The following CAPRIN2 variants were observed in gnomAD, a reference collection of about 807,000 sequenced individuals.
The protein encoded by CAPRIN2 is caprin family member 2, also known as caprin-2.
CAPRIN2 carries 66 observed loss-of-function variants against 130.4 expected under a neutral mutation model. That is an observed-to-expected ratio of 0.51 (90% confidence interval 0.42 to 0.62). CAPRIN2 has a LOEUF of 0.62. CAPRIN2 is among the 20% of genes least tolerant of loss of function. The probability of loss-of-function intolerance (pLI) is 0.00; values close to 1 mark genes in which losing one functional copy is unlikely to be tolerated. For synonymous variants in CAPRIN2, 471 were observed against 444.1 expected, an observed-to-expected ratio of 1.06 and a Z score of -0.76; for missense variants, 1,185 against 1,246.6, an observed-to-expected ratio of 0.95 and a Z score of 0.74.
At chr12:30,728,812 T>G in exon 8 of CAPRIN2, 1 of 1,614,188 alleles carries the variant, frequency 6.2e-7, no homozygotes. Context: ...TCTGGCTGTT[T>G]TGAATCCTGT....
At chr12:30,725,318 T>C (rs571108861) in intron 9 of CAPRIN2, among the ~76,000 whole-genome samples, 9 of 152,358 alleles carry the variant, frequency 5.9e-5, no homozygotes, top group Non-Finnish European at 1.0e-4. Flanking sequence ...TCTGATGGTA[T>C]AGGCAATTCC....
intron 13 of CAPRIN2, 78 bp downstream of exon 15, chr12:30,716,430 T>C (rs2057586052): frequency 6.8e-6 from 9 of 1,324,186 alleles, no homozygotes; most frequent in Non-Finnish European, 9.7e-6. Flanking sequence ...AAAGTGTCAC[T>C]ACAGACTTCC....
At chr12:30,753,452 C>T in exon 1 of CAPRIN2, 1 of 1,614,132 alleles carries the variant, frequency 6.2e-7, no homozygotes, top group Non-Finnish European at 8.5e-7. Context: ...GAGTAGACTG[C>T]AGGGGGCTCA....
chr12:30,737,878 T>G (rs1285306145), intron 3 of CAPRIN2, among the ~76,000 whole-genome samples: 6 of 152,238 alleles, frequency 3.9e-5, no homozygotes, highest in Admixed American at 3.9e-4. Context: ...ATCACACACG[T>G]GAGCCACCGC....
intron 2 of CAPRIN2, among the ~76,000 whole-genome samples, chr12:30,745,707 T>A (rs557253047): frequency 1.4e-3 from 205 of 150,714 alleles, no homozygotes; most frequent in Non-Finnish European, 1.9e-3. Flanking sequence ...AAAAAGCAAA[T>A]AACCAAAAAC....
intron 2 of CAPRIN2, among the ~76,000 whole-genome samples, chr12:30,742,596 TATA>T (rs2068007013): frequency 6.6e-6 from 1 of 150,678 alleles, no homozygotes; most frequent in Non-Finnish European, 1.5e-5. Flanking sequence ...AAATACTAAA[TATA>T]ATGAGTGAAA....
intron 3 of CAPRIN2, among the ~76,000 whole-genome samples, chr12:30,735,466 A>G (rs748319034): frequency 2.6e-5 from 4 of 152,226 alleles, no homozygotes; most frequent in Non-Finnish European, 4.4e-5. Context: ...TAATATCACC[A>G]TGATGAGTAG....
At chr12:30,742,060 A>G (rs2139153100) in intron 2 of CAPRIN2, among the ~76,000 whole-genome samples, 1 of 152,280 alleles carries the variant, frequency 6.6e-6, no homozygotes, top group South Asian at 2.1e-4. Flanking sequence ...TTTTATGTGA[A>G]ATGTCCAGAA....
intron 2 of CAPRIN2, among the ~76,000 whole-genome samples, chr12:30,741,599 AAGG>A (rs1357688996): frequency 6.6e-6 from 1 of 152,168 alleles, no homozygotes; most frequent in Non-Finnish European, 1.5e-5. Flanking sequence ...AGGAAATTTA[AAGG>A]AGCAAAACTT....
At chr12:30,736,163 C>A (rs1407615248) in intron 3 of CAPRIN2, among the ~76,000 whole-genome samples, 1 of 151,008 alleles carries the variant, frequency 6.6e-6, no homozygotes, top group Non-Finnish European at 1.5e-5. Flanking sequence ...AAAGCAGTTT[C>A]CCCTCCAACA....
chr12:30,731,333 C>T lies in CAPRIN2; in HGVS notation c.1060+10G>A. 1 of 1,608,198 alleles carries T rather than the reference C, an allele frequency of 6.2e-7. No homozygotes were observed. Among genetic ancestry groups the T allele is most frequent in the Non-Finnish European group, 8.5e-7 (1 of 1,176,786 alleles). On this transcript the variant is annotated intron_variant, in intron 6 of 16. Transcript: ENST00000298892. Reference sequence around the variant, plus strand: ...AACCACTATAAGGATTTTCAGAGGTCACAACAAACCTGACTCTTTGACAGA... The same window carrying T: ...AACCACTATAAGGATTTTCAGAGGTTACAACAAACCTGACTCTTTGACAGA...
intron 5 of CAPRIN2, 45 bp downstream of exon 6, chr12:30,733,584 A>T: frequency 7.8e-7 from 1 of 1,286,890 alleles, no homozygotes; most frequent in Non-Finnish European, 1.1e-6. Flanking sequence ...TTCTAGACAT[A>T]AAGTTTAGTA....
exon 17 of CAPRIN2, chr12:30,709,713 C>T (rs1256654078): frequency 5.3e-6 from 3 of 571,274 alleles, no homozygotes; most frequent in African/African-American, 1.9e-5. Flanking sequence ...TTATAAAGTG[C>T]CAGATTAGTG....
At chr12:30,736,719 G>A (rs1027506109) in intron 3 of CAPRIN2, among the ~76,000 whole-genome samples, 1 of 152,170 alleles carries the variant, frequency 6.6e-6, no homozygotes, top group African/African-American at 2.4e-5. Flanking sequence ...GCTCAGTAAG[G>A]CTTTTTGCAA....
chr12:30,746,175 G>A (rs1417761864), intron 2 of CAPRIN2, among the ~76,000 whole-genome samples: 1 of 152,196 alleles, frequency 6.6e-6, no homozygotes, highest in Non-Finnish European at 1.5e-5. Context: ...GGAGCACAGA[G>A]AATTTTTAGG....
intron 3 of CAPRIN2, among the ~76,000 whole-genome samples, chr12:30,736,454 A>T (rs1253457661): frequency 6.6e-6 from 1 of 151,934 alleles, no homozygotes; most frequent in East Asian, 1.9e-4. Flanking sequence ...ACTTTGATAT[A>T]GCATCGATAT....
chr12:30,720,780 AC>A, intron 12 of CAPRIN2, 30 bp downstream of exon 13: 1 of 1,274,264 alleles, frequency 7.8e-7, no homozygotes, highest in Non-Finnish European at 1.1e-6. Context: ...TCTTTAAGAT[AC>A]AAAAGAAATT....
rs758500077 is a variant in CAPRIN2, at chr12:30,724,415, T to C, written c.1942A>G (p.Ile648Val). The C allele has an allele frequency of 2.5e-6, 4 of 1,613,178 alleles. No homozygotes were observed. In the African/African-American group the frequency reaches 5.3e-5, roughly 22 times the overall value. The change falls in exon 10 of 17, where the codon ATT becomes GTT. Residue 648 changes from isoleucine (I) to valine (V), a missense_variant. Transcript: ENST00000298892. Reference sequence around the variant, plus strand: ...GCTGAAGGCGGTTGTGACGTTGGAATTGCACTTGAAGGTTTGTCAAAGTCA... The same window carrying C: ...GCTGAAGGCGGTTGTGACGTTGGAACTGCACTTGAAGGTTTGTCAAAGTCA...
chr12:30,712,412 A>G (rs2055247243), intron 15 of CAPRIN2, among the ~76,000 whole-genome samples: 1 of 152,230 alleles, frequency 6.6e-6, no homozygotes, highest in Non-Finnish European at 1.5e-5. Context: ...TAGTGGTATT[A>G]AGAAGAGACA....
Sources: allele counts gnomAD v4.1 joint callset (sites outside exome capture counted in the v4.1 genomes callset), GRCh38; gene constraint gnomAD v4.1.1; transcripts MANE v1.5; gene names NCBI Gene and HGNC (gene_info 2026-07-23, HGNC 2026-07-21).